Variants in PPP1R36 observed in about 807,000 individuals in gnomAD.
The protein encoded by PPP1R36 is chromosome 14 open reading frame 50.
A neutral mutation model predicts 53.4 loss-of-function variants in PPP1R36; 47 were observed. That is an observed-to-expected ratio of 0.88 (90% CI 0.70 to 1.12). The LOEUF (loss-of-function observed/expected upper bound fraction) is 1.12. Among genes scored for constraint, PPP1R36 ranks in the 50% most tolerant of loss-of-function variants. PPP1R36 has a pLI of 0.00. For synonymous variants in PPP1R36, 153 were observed against 170.5 expected, an observed-to-expected ratio of 0.90 and a Z score of 0.80; for missense variants, 456 against 513.9, an observed-to-expected ratio of 0.89 and a Z score of 1.09.
At chr14:64,551,072 A>G in intron 2 of PPP1R36, 87 bp downstream of exon 2, 1 of 826,766 alleles carries the variant, frequency 1.2e-6, no homozygotes, top group Admixed American at 2.6e-5. Context: ...TATAGAGAAT[A>G]AATACCCACT....
chr14:64,556,687 T>C (rs2080155579), intron 3 of PPP1R36, among the ~76,000 whole-genome samples: 1 of 148,844 alleles, frequency 6.7e-6, no homozygotes, highest in South Asian at 2.2e-4. Flanking sequence ...GGTGGGAGGA[T>C]TGAGGCTGTG....
At chr14:64,550,171 C>A in intron 1 of PPP1R36, 105 bp downstream of exon 1, 4 of 1,461,628 alleles carry the variant, frequency 2.7e-6, no homozygotes, top group Non-Finnish European at 3.6e-6. Flanking sequence ...GGCGGGTCGT[C>A]GCCTTCGCCC....
intron 3 of PPP1R36, among the ~76,000 whole-genome samples, chr14:64,558,883 G>A (rs559585102): frequency 8.6e-5 from 13 of 152,000 alleles, no homozygotes; most frequent in East Asian, 3.9e-4. Context: ...TGATCTGCCC[G>A]CCTCGGCCTC....
Position 64,576,657 on chromosome 14 carries a change from A to G in PPP1R36, c.668+2068A>G, listed in dbSNP as rs557102495. Among the ~76,000 whole-genome samples the G allele has an allele frequency of 4.6e-5, 7 of 152,050 alleles. No homozygotes were observed. The South Asian group carries it at 1.5e-3, about 32-fold the overall frequency. On this transcript the variant is annotated intron_variant, in intron 8 of 11. Transcript: ENST00000298705. ...TCTCTTCTCTTGCACCCCTGTTTCT[A>G]TAGTGGTGGATGTCCTCGATCCACT...
chr14:64,574,440 T>TC lies in PPP1R36; in HGVS notation c.534-15_534-14insC, dbSNP rs773652039. 6 of 1,591,954 alleles carry TC rather than the reference T, an allele frequency of 3.8e-6. No homozygotes were observed. The highest frequency in any genetic ancestry group is 4.3e-6 in the Non-Finnish European group (5 of 1,173,512). On this transcript the variant is annotated splice_polypyrimidine_tract_variant and intron_variant, in intron 7 of 11. Coordinates refer to ENST00000298705, the MANE Select transcript of PPP1R36 (RefSeq NM_172365.3). ...CAATTAACCCAAATTCTCTTTTTTT[T>TC]GTCCTCCCCATCAGAGGCCTTGTAG...
chr14:64,552,959 T>A, intron 3 of PPP1R36, 98 bp downstream of exon 3: 1 of 1,174,986 alleles, frequency 8.5e-7, no homozygotes, highest in South Asian at 1.4e-5. Flanking sequence ...AATGTGTGTA[T>A]AAATATTAAG....
At chr14:64,558,971 G>A (rs1328561001) in intron 3 of PPP1R36, among the ~76,000 whole-genome samples, 1 of 152,132 alleles carries the variant, frequency 6.6e-6, no homozygotes, top group Non-Finnish European at 1.5e-5. Flanking sequence ...GTTTACCAGT[G>A]AATGAAGGAA....
At chr14:64,566,036 G>C (rs550021072) in intron 6 of PPP1R36, among the ~76,000 whole-genome samples, 1 of 152,200 alleles carries the variant, frequency 6.6e-6, no homozygotes, top group African/African-American at 2.4e-5. Context: ...TTGGGAGGCC[G>C]AGGCAGGTGG....
At chr14:64,550,112 C>T (rs1596718677) in intron 1 of PPP1R36, 46 bp downstream of exon 1, 1 of 1,539,972 alleles carries the variant, frequency 6.5e-7, no homozygotes, top group South Asian at 1.2e-5. Flanking sequence ...GGGCGCAAGG[C>T]GGGCCCTGCT....
At position 64,550,354 on chromosome 14, in the gene PPP1R36, A is replaced by G. The variant is rs1217457386; in HGVS notation, c.69+288A>G. 3 of 1,089,268 alleles carry G rather than the reference A, an allele frequency of 2.8e-6. No individual in the cohort carries two copies. The East Asian group carries it at 1.3e-4, about 47-fold the overall frequency. The allele number at this position is 1,089,268 out of a possible 1,614,324, so 67.5% of individuals were successfully genotyped here. A position where few individuals can be genotyped will look rare whatever the true frequency, so the allele number is the denominator to read the frequency against. Reference sequence around the variant, plus strand: ...GGTTGGTTGCAAAATAGGGAGACCTACTGCGGGGGAAGCAGCCCCGCTCTG... The same window carrying G: ...GGTTGGTTGCAAAATAGGGAGACCTGCTGCGGGGGAAGCAGCCCCGCTCTG... On this transcript the variant is annotated intron_variant, in intron 1 of 11. Transcript: ENST00000298705.
chr14:64,579,587 C>G (rs532414797), intron 8 of PPP1R36, among the ~76,000 whole-genome samples: 2 of 152,190 alleles, frequency 1.3e-5, no homozygotes, highest in Non-Finnish European at 2.9e-5. Flanking sequence ...CCTACTCAAT[C>G]ATTTATAACA....
intron 3 of PPP1R36, among the ~76,000 whole-genome samples, chr14:64,560,487 T>G (rs1013209842): frequency 4.0e-5 from 6 of 150,388 alleles, no homozygotes; most frequent in African/African-American, 1.5e-4. Flanking sequence ...GATGGAAAAT[T>G]GTTTGCGGGG....
chr14:64,568,445 GGT>G lies in PPP1R36; in HGVS notation c.533+1_533+2del. On this transcript the variant is annotated frameshift_variant and splice_region_variant, in exon 7 of 12. Coordinates refer to ENST00000298705, the MANE Select transcript of PPP1R36 (RefSeq NM_172365.3). LOFTEE classifies it high-confidence loss of function. ...SLEKKPKSYM[V>X]GLVEKKEMEL... ...TGGAAAAGAAACCCAAAAGCTATAT[GGT>G]GTAAGTAAGATTTTATAGTGTGCTT... is the stretch of plus-strand genomic sequence containing the variant. 6.9e-7 allele frequency: 1 copy of G among 1,449,956 alleles called. No homozygotes were observed. Among genetic ancestry groups the G allele is most frequent in the African/African-American group, 1.4e-5 (1 of 70,450 alleles). 89.8% of individuals were successfully genotyped at this position (1,449,956 alleles called of 1,614,324 possible). A position where few individuals can be genotyped will look rare whatever the true frequency, so the allele number is the denominator to read the frequency against.
In PPP1R36 at chr14:64,587,063, T is replaced by C. The variant is rs1490718169; in HGVS notation, c.712-131T>C. The C allele has an allele frequency of 5.9e-6, 5 of 841,454 alleles. No individual in the cohort carries two copies. In the Admixed American group the frequency reaches 1.4e-4, roughly 24 times the overall value. The allele number at this position is 841,454 out of a possible 1,614,324, so 52.1% of individuals were successfully genotyped here. A position where few individuals can be genotyped will look rare whatever the true frequency, so the allele number is the denominator to read the frequency against. On this transcript the variant is annotated intron_variant, in intron 9 of 11. Transcript: ENST00000298705. Reference sequence around the variant, plus strand: ...TGCAAAAGTGAGTATGTGTATAATTTTTCATTGTTTCAGGAATATTGGGAA... The same window carrying C: ...TGCAAAAGTGAGTATGTGTATAATTCTTCATTGTTTCAGGAATATTGGGAA...
At chr14:64,552,721 C>A in intron 2 of PPP1R36, 93 bp from the exon 3 acceptor site, 2 of 958,052 alleles carry the variant, frequency 2.1e-6, no homozygotes, top group African/African-American at 3.3e-5. Flanking sequence ...TTATTAGAGT[C>A]AAAATCAAAA....
At chr14:64,559,268 C>A (rs1381221629) in intron 3 of PPP1R36, 3 of 152,104 alleles carry the variant, frequency 2.0e-5, no homozygotes, top group Non-Finnish European at 4.4e-5. Context: ...GAAACCAGAC[C>A]CTTCCAGGCT....
chr14:64,550,079 T>C lies in PPP1R36; in HGVS notation c.69+13T>C. On this transcript the variant is annotated intron_variant, in intron 1 of 11. Transcript: ENST00000298705. ...TTACTTGATGGATGTAAGTGCAGCCTTGGTCGCCCCCATACCCGGGCTGGG... is the reference window on the plus strand; with the variant it reads ...TTACTTGATGGATGTAAGTGCAGCCCTGGTCGCCCCCATACCCGGGCTGGG... 1 of 1,554,244 alleles carries C rather than the reference T, an allele frequency of 6.4e-7. No homozygotes were observed.
chr14:64,572,140 C>G (rs563279381), intron 7 of PPP1R36, among the ~76,000 whole-genome samples: 2 of 152,046 alleles, frequency 1.3e-5, no homozygotes, highest in African/African-American at 4.8e-5. Flanking sequence ...AAAGTTTCCT[C>G]CTAATTTTGG....
At chr14:64,575,733 C>G (rs1247863745) in intron 8 of PPP1R36, among the ~76,000 whole-genome samples, 3 of 151,906 alleles carry the variant, frequency 2.0e-5, no homozygotes, top group Admixed American at 2.0e-4. Flanking sequence ...TCACTGCAAG[C>G]CCCGCCTCCT....
Sources: allele counts gnomAD v4.1 joint callset (sites outside exome capture counted in the v4.1 genomes callset), GRCh38; gene constraint gnomAD v4.1.1; transcripts MANE v1.5; gene names NCBI Gene and HGNC (gene_info 2026-07-23, HGNC 2026-07-21).